Variants in LRRC1 observed in about 807,000 individuals in gnomAD.
LRRC1 encodes leucine rich repeat containing 1, also known as leucine-rich repeat-containing protein 1.
LRRC1 carries 28 observed loss-of-function variants against 69.9 expected under a neutral mutation model. The ratio of observed to expected loss-of-function variants is 0.40; its 90% confidence interval spans 0.30 to 0.55. The LOEUF (loss-of-function observed/expected upper bound fraction) is 0.55. Among genes scored for constraint, LRRC1 ranks in the 20% least tolerant of loss-of-function variants. LRRC1 has a pLI of 0.47. For missense variants in LRRC1, 498 were observed against 609.0 expected (o/e 0.82, Z 1.92); for synonymous variants, 236 against 240.2 (o/e 0.98, Z 0.16).
chr6:53,797,180 A>G (rs1366916188), intron 1 of LRRC1, among the ~76,000 whole-genome samples: 1 of 152,002 alleles, frequency 6.6e-6, no homozygotes, highest in African/African-American at 2.4e-5. Flanking sequence ...TGCCAAGCCG[A>G]AATGTCAGGT....
intron 2 of LRRC1, among the ~76,000 whole-genome samples, chr6:53,849,610 C>T (rs565033957): frequency 6.6e-6 from 1 of 152,186 alleles, no homozygotes; most frequent in African/African-American, 2.4e-5. Context: ...ACAGCGCTCT[C>T]CTCTTACTGA....
intron 2 of LRRC1, among the ~76,000 whole-genome samples, chr6:53,873,921 T>C (rs1314040041): frequency 6.6e-6 from 1 of 152,242 alleles, no homozygotes; most frequent in Non-Finnish European, 1.5e-5. Flanking sequence ...ATGAGGCATC[T>C]CTTTTCTCAG....
chr6:53,860,770 C>T (rs1766472053), intron 2 of LRRC1, among the ~76,000 whole-genome samples: 3 of 152,178 alleles, frequency 2.0e-5, no homozygotes, highest in Admixed American at 1.3e-4. Context: ...TCAGTGCAGG[C>T]TCTAAAGGTT....
intron 1 of LRRC1, among the ~76,000 whole-genome samples, chr6:53,796,414 T>C (rs1165083131): frequency 6.6e-6 from 1 of 151,968 alleles, no homozygotes; most frequent in Admixed American, 6.6e-5. Context: ...AATCCAAAGG[T>C]GTGCAGGAAG....
rs1338796053 is a variant in LRRC1 at position 53,897,265 on chromosome 6, T to G, written c.568-20T>G. 1 of 1,546,936 alleles carries G rather than the reference T, an allele frequency of 6.5e-7. No homozygotes were observed. Among genetic ancestry groups the G allele is most frequent in the Admixed American group, 1.7e-5 (1 of 57,702 alleles). ...AAAATTGAATCTTTGTTACCGTAAC[T>G]TTTTTTTCTTTTGTTTTAGCCAGAA... On this transcript the variant is annotated intron_variant, in intron 6 of 13. Coordinates refer to ENST00000370888, the MANE Select transcript of LRRC1 (RefSeq NM_018214.5).
chr6:53,856,796 A>T (rs907083631), intron 2 of LRRC1, among the ~76,000 whole-genome samples: 7 of 152,184 alleles, frequency 4.6e-5, no homozygotes, highest in African/African-American at 1.7e-4. Flanking sequence ...AGCAGGGAGC[A>T]TGAAGTCGAT....
At chr6:53,796,555 T>C (rs765918467) in intron 1 of LRRC1, among the ~76,000 whole-genome samples, 20 of 152,210 alleles carry the variant, frequency 1.3e-4, no homozygotes, top group Non-Finnish European at 2.8e-4. Context: ...TGTTCTGACT[T>C]GTTAGAATGA....
intron 11 of LRRC1, among the ~76,000 whole-genome samples, chr6:53,916,195 A>G (rs950162223): frequency 6.6e-6 from 1 of 152,358 alleles, no homozygotes; most frequent in African/African-American, 2.4e-5. Flanking sequence ...CCATAGGAAT[A>G]TCCACCAAGT....
chr6:53,873,830 G>A (rs955030794), intron 2 of LRRC1, among the ~76,000 whole-genome samples: 2 of 152,094 alleles, frequency 1.3e-5, no homozygotes, highest in Admixed American at 6.5e-5. Flanking sequence ...TAGATCTTAC[G>A]AAAAAAGCTT....
intron 1 of LRRC1, among the ~76,000 whole-genome samples, chr6:53,815,618 G>A (rs1371028224): frequency 1.3e-5 from 2 of 152,178 alleles, no homozygotes; most frequent in African/African-American, 4.8e-5. Flanking sequence ...GTCCTGCCAA[G>A]GCCCAGAGAC....
chr6:53,878,885 T>A, intron 2 of LRRC1, 108 bp from the exon 3 acceptor site: 2 of 639,502 alleles, frequency 3.1e-6, no homozygotes, highest in South Asian at 3.8e-5. Context: ...CATGTTTGAA[T>A]GGAGGTAGGA....
intron 2 of LRRC1, among the ~76,000 whole-genome samples, chr6:53,852,234 A>G (rs1279538424): frequency 6.6e-6 from 1 of 152,234 alleles, no homozygotes; most frequent in African/African-American, 2.4e-5. Context: ...AGAAAAATTA[A>G]CATAAACAAC....
intron 4 of LRRC1, among the ~76,000 whole-genome samples, chr6:53,885,220 A>AC (rs936329933): frequency 1.3e-5 from 2 of 152,248 alleles, no homozygotes; most frequent in African/African-American, 4.8e-5. Context: ...TGGAAAATGC[A>AC]CTTGAAACAG....
chr6:53,858,449 T>C (rs1766390140), intron 2 of LRRC1, among the ~76,000 whole-genome samples: 1 of 152,186 alleles, frequency 6.6e-6, no homozygotes, highest in South Asian at 2.1e-4. Context: ...CCCCTCTGTG[T>C]TATGAGATCA....
chr6:53,795,328 G>A lies in LRRC1; in HGVS notation c.72G>A (p.Leu24=), dbSNP rs1308797600. ...VESIDKRHCS[L]VYVPEEIYRY... Reference sequence around the variant, plus strand: ...GCATCGACAAGCGCCACTGCTCGCTGGTCTACGTCCCCGAGGAGATCTACC... The same window carrying A: ...GCATCGACAAGCGCCACTGCTCGCTAGTCTACGTCCCCGAGGAGATCTACC... Residue 24 remains leucine, a synonymous_variant, in exon 1 of 14, where the codon CTG becomes CTA. Coordinates refer to ENST00000370888, the MANE Select transcript of LRRC1 (RefSeq NM_018214.5). 6.2e-7 allele frequency: 1 copy of A among 1,613,594 alleles called. No homozygotes were observed. The highest frequency in any genetic ancestry group is 1.3e-5 in the African/African-American group (1 of 74,906).
intron 1 of LRRC1, 99 bp downstream of exon 1, chr6:53,795,514 G>A: frequency 1.6e-6 from 2 of 1,233,358 alleles, no homozygotes; most frequent in Middle Eastern, 2.0e-4. Context: ...GGTCCGGCGT[G>A]AAGGAACCTT....
intron 2 of LRRC1, among the ~76,000 whole-genome samples, chr6:53,842,821 T>G (rs1765831847): frequency 6.6e-6 from 1 of 152,256 alleles, no homozygotes; most frequent in Non-Finnish European, 1.5e-5. Context: ...TGCTGGTGGC[T>G]TTGCCCACTT....
At position 53,919,468 on chromosome 6, in the gene LRRC1, C is replaced by A. The variant is rs780325318; in HGVS notation, c.1107-30C>A. 1.5e-3 allele frequency: 1,973 copies of A among 1,318,716 alleles called. 6 individuals are homozygous for A. The highest frequency in any genetic ancestry group is 1.7e-3 in the Non-Finnish European group (1,741 of 1,023,414). 81.7% of individuals were successfully genotyped at this position (1,318,716 alleles called of 1,614,324 possible). A position where few individuals can be genotyped will look rare whatever the true frequency, so the allele number is the denominator to read the frequency against. On this transcript the variant is annotated intron_variant, in intron 11 of 13. Transcript: ENST00000370888. ...ATTACAAAATTTGAGGTTGTGATGT[C>A]TCTTTTTTTAAAAAAAAAAAAAAAA...
rs115516026 is a variant in LRRC1 at position 53,854,546 on chromosome 6, C to T, written c.277+12319C>T. ...TCTCATTTAATCTTCAAACTGTCTC[C>T]GAGAAATAAGCTTGCCATCTCCTTT... On this transcript the variant is annotated intron_variant, in intron 2 of 13. Transcript: ENST00000370888. Among the ~76,000 whole-genome samples, 372 of 152,120 alleles carry T rather than the reference C, an allele frequency of 2.4e-3. 2 individuals are homozygous for T. Among genetic ancestry groups the T allele is most frequent in the Non-Finnish European group, 4.5e-3 (308 of 67,992 alleles).
Sources: allele counts gnomAD v4.1 joint callset (sites outside exome capture counted in the v4.1 genomes callset), GRCh38; gene constraint gnomAD v4.1.1; transcripts MANE v1.5; gene names NCBI Gene and HGNC (gene_info 2026-07-23, HGNC 2026-07-21).